CCDC154: variants seen among roughly 807,000 people sequenced by gnomAD.
The protein encoded by CCDC154 is coiled-coil domain containing 154.
Under a neutral mutation model 87.5 loss-of-function variants are expected in CCDC154, and 91 were observed. That is an observed-to-expected ratio of 1.04 (90% CI 0.88 to 1.24). CCDC154 has a LOEUF of 1.24. Ranked by LOEUF, CCDC154 falls within the 50% of genes most tolerant of loss-of-function variation. The pLI, the probability that CCDC154 is intolerant of heterozygous loss-of-function variation, is 0.00. For synonymous variants in CCDC154, 418 were observed against 400.4 expected, an observed-to-expected ratio of 1.04 and a Z score of -0.52; for missense variants, 903 against 879.2, an observed-to-expected ratio of 1.03 and a Z score of -0.34.
rs752206083 is a variant in CCDC154 at position 1,439,274 on chromosome 16, G to A, written c.676-148C>T. ...AGCTGGGCCTGCCACACCCTCAGCC[G>A]GAAGAAAGCCACGGCGGGCAGGACC... On this transcript the variant is annotated intron_variant, in intron 6 of 16. Coordinates refer to ENST00000389176, the MANE Select transcript of CCDC154 (RefSeq NM_001143980.3). 1.4e-4 allele frequency: 96 copies of A among 691,272 alleles called. No individual in the cohort carries two copies. In the Admixed American group the frequency reaches 1.5e-3, roughly 10 times the overall value. 42.8% of individuals were successfully genotyped at this position (691,272 alleles called of 1,614,324 possible).
chr16:1,439,194 A>G (rs1213393817), intron 6 of CCDC154, 68 bp from the exon 7 acceptor site: 7 of 1,376,208 alleles, frequency 5.1e-6, no homozygotes, highest in Non-Finnish European at 7.0e-6. Flanking sequence ...CCTCCTGCCC[A>G]TGGTCTCCAT....
Position 1,443,986 on chromosome 16 carries a change from C to A in CCDC154, c.34G>T (p.Ala12Ser). 1 of 1,301,550 alleles carries A rather than the reference C, an allele frequency of 7.7e-7. No homozygotes were observed. Among genetic ancestry groups the A allele is most frequent in the South Asian group, 1.2e-5 (1 of 81,038 alleles). 80.6% of individuals were successfully genotyped at this position (1,301,550 alleles called of 1,614,324 possible). A position where few individuals can be genotyped will look rare whatever the true frequency, so the allele number is the denominator to read the frequency against. The stretch of plus-strand genomic sequence containing the variant: ...GCTCTCAGCTGGGAAGGGGCCGATG[C>A]CCCTGAGGGTCCACTGTCAGCCAAC... ...SELADSGPSG[A>S]SAPSQLRAVT... Residue 12 changes from alanine to serine, a missense_variant, in exon 2 of 17, where the codon GCA (alanine) becomes TCA (serine). Transcript: ENST00000389176.
At position 1,444,446 on chromosome 16, in the gene CCDC154, C is replaced by G. The variant is rs1313565677; in HGVS notation, c.-124G>C. 9.5e-7 allele frequency: 1 copy of G among 1,047,716 alleles called. No homozygotes were observed. Among genetic ancestry groups the G allele is most frequent in the Non-Finnish European group, 1.2e-6 (1 of 800,682 alleles). 64.9% of individuals were successfully genotyped at this position (1,047,716 alleles called of 1,614,324 possible). On this transcript the variant is annotated 5_prime_UTR_variant, in exon 1 of 17. Coordinates refer to ENST00000389176, the MANE Select transcript of CCDC154 (RefSeq NM_001143980.3). ...AGCCAGAGGAAGTCCCGTGAGAGCT[C>G]TGGGCCTTGAGGGACGAGCTGCTGC...
rs554889070 is a variant in CCDC154, at chr16:1,442,790, C to T, written c.551+90G>A. 95 of 1,330,454 alleles carry T rather than the reference C, an allele frequency of 7.1e-5. 2 individuals carry two copies. In the Middle Eastern group the frequency reaches 2.7e-3, roughly 38 times the overall value. The allele number at this position is 1,330,454 out of a possible 1,614,324, so 82.4% of individuals were successfully genotyped here. The stretch of plus-strand genomic sequence containing the variant: ...GCCCCGCCGGGTTACTGGGGACACA[C>T]GGCAGGGGGACCCGTGTCTTGGCTC... On this transcript the variant is annotated intron_variant, in intron 5 of 16. Coordinates refer to ENST00000389176, the MANE Select transcript of CCDC154 (RefSeq NM_001143980.3).
rs558900660 is a variant in CCDC154 at position 1,434,693 on chromosome 16, A to T, written c.1852T>A (p.Cys618Ser). 5.6e-5 allele frequency: 86 copies of T among 1,546,940 alleles called. No homozygotes were observed. The South Asian group carries it at 9.3e-4, about 17-fold the overall frequency. The change falls in exon 16 of 17, where the codon TGC becomes AGC. Residue 618 changes from cysteine to serine, a missense_variant. Physicochemically the swap from Cys to Ser is moderately radical, Grantham distance 112. Coordinates refer to ENST00000389176, the MANE Select transcript of CCDC154 (RefSeq NM_001143980.3). The part of the protein sequence containing the change: ...MAPGKVVPMN[C>S]WGVYQAVRWL... ...CTCACAGCCTGGTACACGCCCCAGC[A>T]GTTCATGGGCACCACCTTGCCAGGC...
intron 6 of CCDC154, among the ~76,000 whole-genome samples, chr16:1,440,558 A>T (rs2038542652): frequency 6.6e-6 from 1 of 150,956 alleles, no homozygotes; most frequent in African/African-American, 2.4e-5. Flanking sequence ...AGAAAAGAAA[A>T]CTTTTTGGGA....
chr16:1,438,009 G>A (rs372525947), intron 10 of CCDC154, 41 bp downstream of exon 10: 170 of 1,538,574 alleles, frequency 1.1e-4, no homozygotes, highest in Non-Finnish European at 1.3e-4. Flanking sequence ...TCCCGTGTGC[G>A]TGGGAGACCC....
At chr16:1,436,992 CAT>C (rs565584053) in intron 11 of CCDC154, among the ~76,000 whole-genome samples, 181 bp from the exon 12 acceptor site, 22 of 152,294 alleles carry the variant, frequency 1.4e-4, no homozygotes, top group African/African-American at 5.3e-4. Context: ...TGGAGACACA[CAT>C]GCCAAGGCAG....
rs544610182 is a variant in CCDC154, at chr16:1,444,515, G to A, written c.-193C>T. 100 of 405,376 alleles carry A rather than the reference G, an allele frequency of 2.5e-4. 1 individual carries two copies. The highest frequency in any genetic ancestry group is 1.9e-3 in the South Asian group (94 of 48,440). The allele number at this position is 405,376 out of a possible 1,614,324, so 25.1% of individuals were successfully genotyped here. ...TCAGGGTCCCCAGGGAGGCAGGTGT[G>A]GGGCAGCGGGGCCGTTCCAGAACCT... On this transcript the variant is annotated 5_prime_UTR_variant, in exon 1 of 17. Transcript: ENST00000389176.
rs1379052838 is a variant in CCDC154, at chr16:1,443,022, G to A, written c.456-47C>T. On this transcript the variant is annotated intron_variant, in intron 4 of 16. Coordinates refer to ENST00000389176, the MANE Select transcript of CCDC154 (RefSeq NM_001143980.3). The stretch of plus-strand genomic sequence containing the variant: ...CCGAGAGGCCCAGGCGGGCTGAGCA[G>A]CCTCGGCGGGCTGGGGGTCTGGCCA... 2.6e-6 allele frequency: 4 copies of A among 1,544,176 alleles called. No individual in the cohort carries two copies. The South Asian group carries it at 3.6e-5, about 14-fold the overall frequency.
chr16:1,434,942 A>G, intron 15 of CCDC154, 90 bp from the exon 16 acceptor site: 1 of 1,430,988 alleles, frequency 7.0e-7, no homozygotes, highest in Non-Finnish European at 9.2e-7. Context: ...GGGAGCCTGG[A>G]AGCCATTTAT....
chr16:1,443,452 C>G (rs1439818521), intron 3 of CCDC154, 54 bp downstream of exon 3: 2 of 1,430,436 alleles, frequency 1.4e-6, no homozygotes. Context: ...GAAGCAGCTG[C>G]CCCCAACACC....
At position 1,443,252 on chromosome 16, in the gene CCDC154, G is replaced by T. The variant is rs537628909; in HGVS notation, c.455+9C>A. 5 of 1,548,158 alleles carry T rather than the reference G, an allele frequency of 3.2e-6. No individual in the cohort carries two copies. In the Admixed American group the frequency reaches 6.0e-5, roughly 19 times the overall value. Reference sequence around the variant, plus strand: ...CCTGGGCCTGTGCCCCTAGGTGTGTGGGGGGTACCTTTTGTCCAGGGCCTG... The same window carrying T: ...CCTGGGCCTGTGCCCCTAGGTGTGTTGGGGGTACCTTTTGTCCAGGGCCTG... On this transcript the variant is annotated intron_variant, in intron 4 of 16. Transcript: ENST00000389176.
rs116378034 is a variant in CCDC154 at position 1,438,834 on chromosome 16, G to A, written c.887C>T (p.Ala296Val). ...CCCCACCTCATGCTGCCCCTGCAGG[G>A]CCCGCAGGCGCTCCTCCATCAGCCC... is the stretch of plus-strand genomic sequence containing the variant. ...LRGLMEERLR[A>V]LQGQHEESHL... The change falls in exon 8 of 17, where the codon GCC (alanine) becomes GTC (valine). Residue 296 changes from alanine to valine, a missense_variant. Transcript: ENST00000389176. 6.5e-7 allele frequency: 1 copy of A among 1,546,306 alleles called. No homozygotes were observed. The highest frequency in any genetic ancestry group is 8.7e-7 in the Non-Finnish European group (1 of 1,145,990).
chr16:1,435,898 G>T, intron 14 of CCDC154, 71 bp downstream of exon 14: 5 of 1,316,604 alleles, frequency 3.8e-6, no homozygotes, highest in African/African-American at 1.5e-5. Flanking sequence ...CTGCCTCTCC[G>T]CACGGCTGCC....
intron 14 of CCDC154, 107 bp downstream of exon 14, chr16:1,435,862 G>A: frequency 2.1e-6 from 2 of 965,482 alleles, no homozygotes; most frequent in Non-Finnish European, 3.1e-6. Context: ...CCTGCTGGCT[G>A]GAAAATGCCC....
chr16:1,442,203 A>T (rs1008143899), intron 6 of CCDC154, among the ~76,000 whole-genome samples: 1 of 152,264 alleles, frequency 6.6e-6, no homozygotes, highest in African/African-American at 2.4e-5. Context: ...GGCGTGAGCC[A>T]CCGTGCCCAA....
intron 12 of CCDC154, 31 bp from the exon 13 acceptor site, chr16:1,436,552 C>T (rs1222903661): frequency 1.3e-6 from 2 of 1,547,326 alleles, no homozygotes; most frequent in Admixed American, 3.9e-5. Flanking sequence ...GGCGGGCAGC[C>T]CCAGGGCGCC....
intron 4 of CCDC154, 76 bp downstream of exon 4, chr16:1,443,185 C>T: frequency 6.7e-7 from 1 of 1,501,904 alleles, no homozygotes; most frequent in Non-Finnish European, 9.0e-7. Context: ...ATGTGGACCC[C>T]CCACCACACC....
Sources: allele counts gnomAD v4.1 joint callset (sites outside exome capture counted in the v4.1 genomes callset), GRCh38; gene constraint gnomAD v4.1.1; transcripts MANE v1.5; gene names NCBI Gene and HGNC (gene_info 2026-07-23, HGNC 2026-07-21).